Variants in RBFOX1 observed in about 807,000 individuals in gnomAD.
RBFOX1 encodes the protein RNA binding fox-1 homolog 1.
A neutral mutation model predicts 57.7 loss-of-function variants in RBFOX1; 8 were observed. The observed-to-expected ratio is 0.14, with a 90% CI of 0.08 to 0.25. The LOEUF is 0.25. RBFOX1 is among the 10% of genes least tolerant of loss of function. The probability of loss-of-function intolerance (pLI) is 1.00; values close to 1 mark genes in which losing one functional copy is unlikely to be tolerated. For synonymous variants in RBFOX1, 326 were observed against 222.4 expected (o/e 1.47, Z -4.15); for missense variants, 611 against 548.5 (o/e 1.11, Z -1.14).
chr16:7,565,196 C>T (rs1457014517), intron 5 of RBFOX1, among the ~76,000 whole-genome samples: 1 of 151,992 alleles, frequency 6.6e-6, no homozygotes, highest in Non-Finnish European at 1.5e-5. Context: ...CACAATCTTG[C>T]TTCGTTTTAA....
intron 4 of RBFOX1, among the ~76,000 whole-genome samples, chr16:7,403,305 C>T (rs976644522): frequency 2.6e-5 from 4 of 152,036 alleles, no homozygotes; most frequent in African/African-American, 7.3e-5. Flanking sequence ...TTGTAGTCAC[C>T]GTGCTATACA....
In RBFOX1 at chr16:6,373,617, A is replaced by G. The variant is rs1011196426; in HGVS notation, c.-64+56560A>G. Among the ~76,000 whole-genome samples the G allele has an allele frequency of 5.3e-5, 8 of 152,102 alleles. No homozygotes were observed. The East Asian group carries it at 1.5e-3, about 29-fold the overall frequency. On this transcript the variant is annotated intron_variant, in intron 2 of 15. Coordinates refer to ENST00000550418, the MANE Select transcript of RBFOX1 (RefSeq NM_018723.4). ...GTCGGATGAGAGGATGGTTGGCAAA[A>G]TCTTTGAGTAGGAGGATGATTGGGT...
chr16:7,639,355 A>G (rs2062361855), intron 11 of RBFOX1, among the ~76,000 whole-genome samples: 1 of 152,134 alleles, frequency 6.6e-6, no homozygotes, highest in Non-Finnish European at 1.5e-5. Flanking sequence ...CTCTTTTGCT[A>G]TGGTTCAGCA....
chr16:6,534,968 G>A (rs78066211), intron 2 of RBFOX1, among the ~76,000 whole-genome samples: 184 of 152,272 alleles, frequency 1.2e-3, no homozygotes, highest in African/African-American at 4.3e-3. Context: ...GTAGCAGGAG[G>A]TATGAGCTTT....
At chr16:7,270,030 T>G (rs1381187123) in intron 4 of RBFOX1, among the ~76,000 whole-genome samples, 4 of 152,216 alleles carry the variant, frequency 2.6e-5, no homozygotes, top group Admixed American at 1.3e-4. Flanking sequence ...AGTAAACACA[T>G]ATCATGCTCT....
intron 2 of RBFOX1, among the ~76,000 whole-genome samples, chr16:5,497,418 T>C (rs2043036920): frequency 6.6e-6 from 1 of 152,038 alleles, no homozygotes; most frequent in African/African-American, 2.4e-5. Context: ...GCCTTGACTA[T>C]GTGCTATGTA....
At chr16:6,376,366 G>A (rs116685361) in intron 2 of RBFOX1, among the ~76,000 whole-genome samples, 4,951 of 152,216 alleles carry the variant, frequency 0.033, 264 homozygotes, top group African/African-American at 0.11. Context: ...GCTTAAAAAA[G>A]CAGACATCCA....
chr16:5,943,560 A>G (rs2059325226), intron 4 of RBFOX1, among the ~76,000 whole-genome samples: 1 of 152,104 alleles, frequency 6.6e-6, no homozygotes, highest in African/African-American at 2.4e-5. Context: ...GCACTGGGAG[A>G]CCCTAAGTCC....
chr16:7,131,728 G>A (rs1414335355), intron 4 of RBFOX1, among the ~76,000 whole-genome samples: 1 of 152,008 alleles, frequency 6.6e-6, no homozygotes, highest in African/African-American at 2.4e-5. Context: ...CATCTGACCA[G>A]AGGCTCTTGT....
At chr16:7,328,200 T>C (rs1452158867) in intron 4 of RBFOX1, among the ~76,000 whole-genome samples, 1 of 151,656 alleles carries the variant, frequency 6.6e-6, no homozygotes, top group East Asian at 1.9e-4. Context: ...GGAAAGGAGG[T>C]TCTGGGCGCG....
At chr16:6,174,995 C>T (rs2096992515) in intron 1 of RBFOX1, among the ~76,000 whole-genome samples, 1 of 152,188 alleles carries the variant, frequency 6.6e-6, no homozygotes, top group Non-Finnish European at 1.5e-5. Context: ...GTGCTTAAGT[C>T]ATCTCTCTTC....
chr16:5,547,912 C>G (rs192955889), intron 2 of RBFOX1, among the ~76,000 whole-genome samples: 1 of 152,044 alleles, frequency 6.6e-6, no homozygotes, highest in Admixed American at 6.6e-5. Flanking sequence ...GTAATCCTAG[C>G]ACTTTGGGAG....
At chr16:6,531,093 A>T (rs751859437) in intron 2 of RBFOX1, among the ~76,000 whole-genome samples, 1 of 152,188 alleles carries the variant, frequency 6.6e-6, no homozygotes, top group Admixed American at 6.5e-5. Context: ...CTGGAACTGC[A>T]TGAGTGACAG....
chr16:6,268,356 C>T (rs1469771833), intron 1 of RBFOX1, among the ~76,000 whole-genome samples: 1 of 152,104 alleles, frequency 6.6e-6, no homozygotes, highest in East Asian at 1.9e-4. Flanking sequence ...CATCGCCTTC[C>T]AGGACAGTGC....
At chr16:7,240,669 C>G (rs924503002) in intron 4 of RBFOX1, among the ~76,000 whole-genome samples, 3 of 152,156 alleles carry the variant, frequency 2.0e-5, no homozygotes, top group Non-Finnish European at 2.9e-5. Context: ...ATCCTCCCAT[C>G]TCAGTCTCCT....
At chr16:7,446,796 GTATTTTTTTTTTTTT>G (rs1326755426) in intron 4 of RBFOX1, among the ~76,000 whole-genome samples, 5 of 109,464 alleles carry the variant, frequency 4.6e-5, no homozygotes, top group African/African-American at 1.8e-4. Context: ...GTAGGTCTAG[GTATTTTTTTTTTTTT>G]TTTTTTTTTT....
chr16:7,555,927 C>T (rs1173514820), intron 5 of RBFOX1, among the ~76,000 whole-genome samples: 1 of 152,170 alleles, frequency 6.6e-6, no homozygotes, highest in Admixed American at 6.5e-5. Context: ...TCCTCCTGCT[C>T]TCCTAAAACT....
intron 4 of RBFOX1, among the ~76,000 whole-genome samples, chr16:5,980,213 C>T (rs145453810): frequency 6.6e-6 from 1 of 152,352 alleles, no homozygotes; most frequent in Non-Finnish European, 1.5e-5. Context: ...ATGTCTCCTA[C>T]CACTGTTTGC....
At chr16:5,863,399 A>G (rs1415766226) in intron 3 of RBFOX1, among the ~76,000 whole-genome samples, 2 of 152,150 alleles carry the variant, frequency 1.3e-5, no homozygotes, top group Admixed American at 6.5e-5. Flanking sequence ...AGACACTCTG[A>G]TGACTGCTGA....
Sources: allele counts gnomAD v4.1 joint callset (sites outside exome capture counted in the v4.1 genomes callset), GRCh38; gene constraint gnomAD v4.1.1; transcripts MANE v1.5; gene names NCBI Gene and HGNC (gene_info 2026-07-23, HGNC 2026-07-21).